The following CDK14 variants were observed in gnomAD, a reference collection of about 807,000 sequenced individuals.
The protein encoded by CDK14 is cyclin-dependent kinase 14.
A neutral mutation model predicts 60.7 loss-of-function variants in CDK14; 34 were observed. That is an observed-to-expected ratio of 0.56 (90% CI 0.43 to 0.75). The LOEUF is 0.75. Among genes scored for constraint, CDK14 ranks in the 30% least tolerant of loss-of-function variants. CDK14 has a pLI of 0.00. For missense variants in CDK14, 482 were observed against 564.1 expected, an observed-to-expected ratio of 0.85 and a Z score of 1.47; for synonymous variants, 197 against 203.7, an observed-to-expected ratio of 0.97 and a Z score of 0.28.
At chr7:90,613,822 C>T (rs1799594067) in intron 2 of CDK14, among the ~76,000 whole-genome samples, 1 of 152,032 alleles carries the variant, frequency 6.6e-6, no homozygotes, top group South Asian at 2.1e-4. Flanking sequence ...TTCCTTCTGA[C>T]TGGAATTTGA....
At chr7:91,047,694 A>G (rs928677707) in intron 11 of CDK14, among the ~76,000 whole-genome samples, 1 of 152,220 alleles carries the variant, frequency 6.6e-6, no homozygotes, top group East Asian at 1.9e-4. Flanking sequence ...ACATATGAAG[A>G]TGGTGGAAAG....
At chr7:90,874,561 G>A (rs373034024) in intron 6 of CDK14, among the ~76,000 whole-genome samples, 8,771 of 114,330 alleles carry the variant, frequency 0.077, 364 homozygotes, top group East Asian at 0.23. Flanking sequence ...TCGCTCTGTC[G>A]CCCAGGCCGG....
intron 6 of CDK14, among the ~76,000 whole-genome samples, chr7:90,878,081 T>TGC (rs375797792): frequency 1.3e-5 from 2 of 151,130 alleles, no homozygotes; most frequent in South Asian, 2.1e-4. Flanking sequence ...GCTGTGTGTG[T>TGC]GTGTGTGTGT....
chr7:90,697,519 C>G (rs1801684225), intron 2 of CDK14, among the ~76,000 whole-genome samples: 1 of 152,076 alleles, frequency 6.6e-6, no homozygotes, highest in Non-Finnish European at 1.5e-5. Context: ...TATAAAGCAT[C>G]AGATTTCAGT....
chr7:90,772,294 A>G (rs1804815683), intron 4 of CDK14, among the ~76,000 whole-genome samples: 1 of 152,340 alleles, frequency 6.6e-6, no homozygotes, highest in South Asian at 2.1e-4. Context: ...TGCTTTCACC[A>G]ATAAATCAAA....
intron 11 of CDK14, among the ~76,000 whole-genome samples, chr7:91,072,813 G>A (rs756417598): frequency 2.0e-4 from 31 of 152,116 alleles, no homozygotes; most frequent in Middle Eastern, 3.4e-3. Flanking sequence ...AACCAGTTTA[G>A]ACAGGAACAT....
intron 1 of CDK14, among the ~76,000 whole-genome samples, chr7:90,600,047 A>C (rs893468144): frequency 6.6e-6 from 1 of 152,240 alleles, no homozygotes; most frequent in Non-Finnish European, 1.5e-5. Context: ...CATGGCTTTC[A>C]AGCCATAGTG....
At chr7:90,917,302 A>T (rs538794581) in intron 7 of CDK14, among the ~76,000 whole-genome samples, 6 of 152,204 alleles carry the variant, frequency 3.9e-5, no homozygotes, top group Non-Finnish European at 5.9e-5. Flanking sequence ...AATCAATTAT[A>T]AAAAAATTGA....
At position 90,979,544 on chromosome 7, in the gene CDK14, A is replaced by G. The variant is rs974238590; in HGVS notation, c.948-4604A>G. On this transcript the variant is annotated intron_variant, in intron 9 of 14. Coordinates refer to ENST00000380050, the MANE Select transcript of CDK14 (RefSeq NM_001287135.2). ...ACGTTATAATTACTGTGTTTATACC[A>G]TATAGATCTACTAAACAGAAAGTTG... 6 of 152,350 alleles carry G rather than the reference A, an allele frequency of 3.9e-5. No homozygotes were observed. The East Asian group carries it at 9.6e-4, about 24-fold the overall frequency. The allele number at this position is 152,350 out of a possible 1,614,324, so 9.4% of individuals were successfully genotyped here.
At chr7:91,058,275 G>A (rs1433454791) in intron 11 of CDK14, among the ~76,000 whole-genome samples, 1 of 152,036 alleles carries the variant, frequency 6.6e-6, no homozygotes, top group Non-Finnish European at 1.5e-5. Context: ...AGACTTTGCT[G>A]AAGTTGCTTA....
In CDK14 at chr7:91,152,084, C is replaced by G. The variant is rs548262933; in HGVS notation, c.*28+33876C>G. 6.6e-5 allele frequency among the ~76,000 whole-genome samples: 10 copies of G among 152,320 alleles called. No individual in the cohort carries two copies. In the South Asian group the frequency reaches 2.1e-3, roughly 32 times the overall value. On this transcript the variant is annotated intron_variant, in intron 14 of 14. Transcript: ENST00000380050. ...TCATACTTTCCTCATGTGGTTACAA[C>G]TTCTCCAAAGCCTCACGGAAAAATT...
intron 8 of CDK14, among the ~76,000 whole-genome samples, chr7:90,920,265 GTTTC>G (rs1398125795): frequency 1.3e-5 from 2 of 151,774 alleles, no homozygotes; most frequent in South Asian, 2.1e-4. Flanking sequence ...TTTAAAAATG[GTTTC>G]TTTGTCTTAC....
At chr7:91,013,233 C>T (rs1465966260) in intron 10 of CDK14, among the ~76,000 whole-genome samples, 1 of 152,160 alleles carries the variant, frequency 6.6e-6, no homozygotes, top group Non-Finnish European at 1.5e-5. Context: ...CACGGCCTCC[C>T]TTAGGGAGGT....
At chr7:91,199,325 T>G (rs1055199404) in intron 14 of CDK14, among the ~76,000 whole-genome samples, 13 of 151,074 alleles carry the variant, frequency 8.6e-5, no homozygotes, top group African/African-American at 2.9e-4. Flanking sequence ...ATATTATATG[T>G]TTTTTTATTA....
intron 8 of CDK14, among the ~76,000 whole-genome samples, chr7:90,952,972 T>G (rs1351705520): frequency 6.6e-6 from 1 of 152,186 alleles, no homozygotes. Context: ...ATATTTATAC[T>G]TCAAAGTCTC....
intron 12 of CDK14, among the ~76,000 whole-genome samples, chr7:91,101,584 A>T (rs936196415): frequency 6.6e-5 from 10 of 152,066 alleles, no homozygotes; most frequent in Admixed American, 4.6e-4. Context: ...GAATCTCATT[A>T]TTTTTTTTAC....
intron 14 of CDK14, among the ~76,000 whole-genome samples, chr7:91,205,907 T>TGCCTCA (rs554488507): frequency 0.012 from 1,799 of 152,250 alleles, 26 homozygotes; most frequent in Middle Eastern, 0.044. Flanking sequence ...GCCATTCTCC[T>TGCCTCA]GCCTCAGCCT....
chr7:90,677,712 A>G (rs1489269803), intron 2 of CDK14, among the ~76,000 whole-genome samples: 1 of 152,046 alleles, frequency 6.6e-6, no homozygotes, highest in African/African-American at 2.4e-5. Context: ...TGCATTTATA[A>G]TTAAGCCTCT....
chr7:91,041,063 G>A (rs1369267239), intron 10 of CDK14, among the ~76,000 whole-genome samples: 11 of 152,128 alleles, frequency 7.2e-5, no homozygotes, highest in Admixed American at 7.2e-4. Context: ...CAGAACCTGG[G>A]CCACACCTGC....
Sources: allele counts gnomAD v4.1 joint callset (sites outside exome capture counted in the v4.1 genomes callset), GRCh38; gene constraint gnomAD v4.1.1; transcripts MANE v1.5; gene names NCBI Gene and HGNC (gene_info 2026-07-23, HGNC 2026-07-21).